DOCK1: variants seen among roughly 807,000 people sequenced by gnomAD.
DOCK1 encodes the protein dedicator of cytokinesis 1.
A neutral mutation model predicts 262.7 loss-of-function variants in DOCK1; 138 were observed. The ratio of observed to expected loss-of-function variants is 0.53; its 90% CI spans 0.46 to 0.61. DOCK1 has a LOEUF of 0.61. Ranked by LOEUF, DOCK1 falls within the 20% of genes least tolerant of loss-of-function variation. The probability of loss-of-function intolerance (pLI) is 0.00; values close to 1 mark genes in which losing one functional copy is unlikely to be tolerated. For synonymous variants in DOCK1, 866 were observed against 867.4 expected (o/e 1.00, Z 0.03); for missense variants, 1,908 against 2,370.7 (o/e 0.80, Z 4.05).
chr10:127,254,391 A>T (rs1337864317), intron 28 of DOCK1, among the ~76,000 whole-genome samples: 1 of 152,106 alleles, frequency 6.6e-6, no homozygotes, highest in Non-Finnish European at 1.5e-5. Flanking sequence ...TGTTCTGCAA[A>T]CCAGAAGCTT....
chr10:127,128,600 C>T (rs1855553), intron 27 of DOCK1, among the ~76,000 whole-genome samples: 124,881 of 151,974 alleles, frequency 0.82, 52,003 homozygotes, highest in East Asian at 0.94. Flanking sequence ...TGCATGTATT[C>T]TCATTGTTCA....
At chr10:127,434,721 C>T (rs1413156242) in intron 48 of DOCK1, among the ~76,000 whole-genome samples, 2 of 151,062 alleles carry the variant, frequency 1.3e-5, no homozygotes, top group African/African-American at 2.4e-5. Flanking sequence ...GGCACGATCT[C>T]GGCTCACTGC....
intron 25 of DOCK1, among the ~76,000 whole-genome samples, chr10:127,117,532 T>A (rs35475133): frequency 0.17 from 25,367 of 152,190 alleles, 2,589 homozygotes; most frequent in African/African-American, 0.29. Flanking sequence ...AGTGTTGTGC[T>A]TATATGTTCA....
At chr10:127,194,039 C>G (rs2056930403) in intron 27 of DOCK1, among the ~76,000 whole-genome samples, 1 of 152,180 alleles carries the variant, frequency 6.6e-6, no homozygotes, top group Non-Finnish European at 1.5e-5. Context: ...GTCGTGGCAA[C>G]TGTAATAAGT....
chr10:127,084,418 A>G (rs970920420), intron 23 of DOCK1, among the ~76,000 whole-genome samples: 5 of 152,182 alleles, frequency 3.3e-5, no homozygotes, highest in Non-Finnish European at 7.3e-5. Flanking sequence ...CTTGGGAGCA[A>G]TACTGGGGTC....
chr10:127,390,326 C>A (rs1430899575), intron 38 of DOCK1, among the ~76,000 whole-genome samples: 1 of 152,130 alleles, frequency 6.6e-6, no homozygotes, highest in East Asian at 1.9e-4. Flanking sequence ...ATTGGGCCCA[C>A]GTGAACCATC....
At chr10:127,364,030 G>T (rs1431849582) in intron 33 of DOCK1, among the ~76,000 whole-genome samples, 1 of 152,334 alleles carries the variant, frequency 6.6e-6, no homozygotes, top group Admixed American at 6.5e-5. Context: ...CACTATAAAA[G>T]GTGGCTGTGG....
chr10:127,116,649 A>T (rs907074009), intron 25 of DOCK1, among the ~76,000 whole-genome samples: 1 of 152,198 alleles, frequency 6.6e-6, no homozygotes, highest in African/African-American at 2.4e-5. Context: ...ATTTTTGATT[A>T]AAAAAACCAA....
chr10:127,058,363 A>G (rs2045308037), intron 22 of DOCK1, among the ~76,000 whole-genome samples: 1 of 146,880 alleles, frequency 6.8e-6, no homozygotes, highest in African/African-American at 2.5e-5. Context: ...TGCATGGAAT[A>G]CCTATTTCCA....
intron 27 of DOCK1, among the ~76,000 whole-genome samples, chr10:127,206,138 T>C (rs980400437): frequency 4.4e-5 from 3 of 68,910 alleles, no homozygotes; most frequent in Admixed American, 3.3e-4. Flanking sequence ...CTTCTTCTCT[T>C]TTTTTTTTTT....
chr10:127,364,263 A>G (rs534370668), intron 33 of DOCK1, among the ~76,000 whole-genome samples: 9 of 152,278 alleles, frequency 5.9e-5, no homozygotes, highest in East Asian at 5.8e-4. Flanking sequence ...TTTAACCTCT[A>G]CACACCCACA....
At chr10:127,146,221 G>C (rs1427732194) in intron 27 of DOCK1, 1 of 263,584 alleles carries the variant, frequency 3.8e-6, no homozygotes, top group Non-Finnish European at 7.5e-6. Context: ...CAAAGGCTGG[G>C]ACTATCAGTA....
chr10:127,167,298 A>G (rs1490229364), intron 27 of DOCK1, among the ~76,000 whole-genome samples: 1 of 152,220 alleles, frequency 6.6e-6, no homozygotes, highest in African/African-American at 2.4e-5. Context: ...GCAAATAAAT[A>G]AAAGCCATTA....
rs370142962 is a variant in DOCK1, at chr10:127,425,921, G to C, written c.4824G>C (p.Thr1608=). 4 of 1,614,034 alleles carry C rather than the reference G, an allele frequency of 2.5e-6. No homozygotes were observed. The East Asian group carries it at 8.9e-5, about 36-fold the overall frequency. The change falls in exon 47 of 52, where the codon ACG becomes ACC. Residue 1608 remains threonine, a synonymous_variant. Coordinates refer to ENST00000623213, the MANE Select transcript of DOCK1 (RefSeq NM_001290223.2). ...EGIRIHGDKV[T]EALRPFHERM... is the part of the protein sequence containing the mutation. ...TCAGAATCCATGGAGACAAAGTCAC[G>C]GAGGCACTGAGGCCGTTCCACGAGA...
intron 1 of DOCK1, among the ~76,000 whole-genome samples, chr10:126,917,365 T>C (rs2032625274): frequency 6.6e-6 from 1 of 152,200 alleles, no homozygotes; most frequent in Non-Finnish European, 1.5e-5. Flanking sequence ...AACCAACATA[T>C]TCAGGTTTTG....
At chr10:127,321,375 TC>T (rs199989440) in intron 29 of DOCK1, among the ~76,000 whole-genome samples, 4,133 of 143,442 alleles carry the variant, frequency 0.029, 278 homozygotes, top group African/African-American at 0.11. Context: ...ATTTTTTTTT[TC>T]TTCTGCCCGG....
intron 1 of DOCK1, among the ~76,000 whole-genome samples, chr10:126,921,689 G>T (rs1356816353): frequency 1.3e-5 from 2 of 152,102 alleles, no homozygotes; most frequent in African/African-American, 4.8e-5. Context: ...GTCTCGCTCT[G>T]TTCCCCAGGC....
intron 1 of DOCK1, among the ~76,000 whole-genome samples, chr10:126,907,883 A>G (rs1428716925): frequency 6.6e-6 from 1 of 152,222 alleles, no homozygotes; most frequent in Non-Finnish European, 1.5e-5. Flanking sequence ...TTAAGAAAAA[A>G]TAAATTTAAA....
chr10:127,320,012 G>A (rs1235874682), intron 29 of DOCK1, among the ~76,000 whole-genome samples: 3 of 152,156 alleles, frequency 2.0e-5, no homozygotes, highest in Non-Finnish European at 2.9e-5. Context: ...ATAGGCCATG[G>A]AATCTGCCTC....
Sources: gnomAD v4.1 joint callset for allele counts (sites outside exome capture counted in the v4.1 genomes callset) on GRCh38, gnomAD v4.1.1 for gene constraint, MANE v1.5 for transcripts, NCBI Gene and HGNC (gene_info 2026-07-23, HGNC 2026-07-21) for gene names.